The following APAF1 variants were observed in gnomAD, a reference collection of about 807,000 sequenced individuals.
APAF1 encodes the protein apoptotic protease-activating factor 1.
Under a neutral mutation model 152.4 loss-of-function variants are expected in APAF1, and 91 were observed. The ratio of observed to expected loss-of-function variants is 0.60; its 90% CI spans 0.50 to 0.71. APAF1 has a LOEUF of 0.71. APAF1 is among the 30% of genes least tolerant of loss of function. The probability of loss-of-function intolerance (pLI) is 0.00; values close to 1 mark genes in which losing one functional copy is unlikely to be tolerated. For synonymous variants in APAF1, 484 were observed against 494.1 expected (o/e 0.98, Z 0.27); for missense variants, 1,283 against 1,472.0 (o/e 0.87, Z 2.10).
intron 26 of APAF1, among the ~76,000 whole-genome samples, chr12:98,730,524 G>T (rs748311918): frequency 1.3e-5 from 2 of 152,180 alleles, no homozygotes; most frequent in Non-Finnish European, 2.9e-5. Flanking sequence ...TAAAGCAGCA[G>T]AATAGGTTTA....
chr12:98,709,636 G>A (rs1223604816), intron 20 of APAF1, among the ~76,000 whole-genome samples: 4 of 152,146 alleles, frequency 2.6e-5, no homozygotes, highest in African/African-American at 9.7e-5. Flanking sequence ...CTATATGTTG[G>A]TCAGCCCAAG....
chr12:98,720,782 G>A (rs1031144257), intron 22 of APAF1, among the ~76,000 whole-genome samples: 10 of 152,042 alleles, frequency 6.6e-5, no homozygotes, highest in African/African-American at 2.2e-4. Context: ...TGGCTAACAC[G>A]GTGAAACCCC....
At chr12:98,654,835 T>TTTTTTTTTTTTTTTTTTTTA in intron 4 of APAF1, among the ~76,000 whole-genome samples, 1 of 127,894 alleles carries the variant, frequency 7.8e-6, no homozygotes, top group Non-Finnish European at 1.6e-5. Flanking sequence ...TTTTTTTTTT[T>TTTTTTTTTTTTTTTTTTTTA]AATTTATTTT....
intron 3 of APAF1, 193 bp downstream of exon 3, chr12:98,649,008 A>G: frequency 1.3e-6 from 1 of 748,994 alleles, no homozygotes; most frequent in Non-Finnish European, 2.2e-6. Context: ...CTTCTTGCCC[A>G]GTGAACTGTA....
chr12:98,660,716 A>G (rs2097663965), intron 5 of APAF1, among the ~76,000 whole-genome samples: 1 of 152,226 alleles, frequency 6.6e-6, no homozygotes, highest in East Asian at 1.9e-4. Context: ...CTGCAAGTAC[A>G]AAGATAAATA....
chr12:98,645,511 G>T lies in APAF1; in HGVS notation c.-366G>T, dbSNP rs2097638754. 1 of 152,318 alleles carries T rather than the reference G, an allele frequency of 6.6e-6. No individual in the cohort carries two copies. Among genetic ancestry groups the T allele is most frequent in the Non-Finnish European group, 1.5e-5 (1 of 68,146 alleles). 9.4% of individuals were successfully genotyped at this position (152,318 alleles called of 1,614,324 possible). ...TCCTCCCTTTGTGTCCAGTAGTGGG[G>T]TCCACCGGAGGGCGGCCCGTGGGCC... On this transcript the variant is annotated 5_prime_UTR_variant, in exon 1 of 27. Transcript: ENST00000551964.
chr12:98,717,253 A>G (rs1216685428), intron 22 of APAF1, among the ~76,000 whole-genome samples: 3 of 151,900 alleles, frequency 2.0e-5, no homozygotes, highest in Non-Finnish European at 4.4e-5. Context: ...GTATATTTCT[A>G]ATGTGTTAAA....
intron 17 of APAF1, among the ~76,000 whole-genome samples, chr12:98,702,941 A>G (rs2097717225): frequency 6.6e-6 from 1 of 152,102 alleles, no homozygotes; most frequent in Non-Finnish European, 1.5e-5. Flanking sequence ...GCAATTTGGT[A>G]GTTCTAGAGA....
At chr12:98,721,553 C>T (rs1192947864) in intron 22 of APAF1, among the ~76,000 whole-genome samples, 2 of 152,138 alleles carry the variant, frequency 1.3e-5, no homozygotes, top group African/African-American at 4.8e-5. Context: ...TTTGGGAAGC[C>T]AGAAATGCCT....
chr12:98,719,151 A>G (rs1186489170), intron 22 of APAF1, among the ~76,000 whole-genome samples: 1 of 152,140 alleles, frequency 6.6e-6, no homozygotes, highest in Non-Finnish European at 1.5e-5. Flanking sequence ...CCTCACACTC[A>G]GTGTCTCCTG....
At chr12:98,659,405 G>T in intron 5 of APAF1, 62 bp downstream of exon 5, 2 of 1,505,610 alleles carry the variant, frequency 1.3e-6, no homozygotes, top group South Asian at 1.1e-5. Flanking sequence ...TGTAACTACT[G>T]ACCTCTTGAG....
rs1446824707 is a variant in APAF1 at position 98,667,576 on chromosome 12, G to C, written c.1426G>C (p.Asp476His). 1.2e-6 allele frequency: 2 copies of C among 1,614,008 alleles called. No homozygotes were observed. The highest frequency in any genetic ancestry group is 2.2e-5 in the East Asian group (1 of 44,882). Residue 476 changes from aspartate (D) to histidine (H), a missense_variant, in exon 10 of 27, where the codon GAT (aspartate) becomes CAT (histidine). By Grantham distance (81) the Asp-to-His change is moderately conservative. Transcript: ENST00000551964. ...RYHQPHTLSP[D>H]QEDCMYWYNF... ...TCACCAGCCGCATACTCTTTCACCAGATCAGGAAGACTGTATGTATTGGTA... is the reference window on the plus strand; with the variant it reads ...TCACCAGCCGCATACTCTTTCACCACATCAGGAAGACTGTATGTATTGGTA...
chr12:98,723,246 A>T lies in APAF1; in HGVS notation c.3138A>T (p.Thr1046=). Residue 1046 remains threonine (T), a synonymous_variant, in exon 23 of 27, where the codon ACA becomes ACT. Coordinates refer to ENST00000551964, the MANE Select transcript of APAF1 (RefSeq NM_181861.2). Reference sequence around the variant, plus strand: ...TCTTTCTACGAGGCCATCAGGAAACAGTGAAAGACTTTAGACTCTTGAAAA... The same window carrying T: ...TCTTTCTACGAGGCCATCAGGAAACTGTGAAAGACTTTAGACTCTTGAAAA... The part of the protein sequence containing the change: ...KCIFLRGHQE[T]VKDFRLLKNS... 6.2e-7 allele frequency: 1 copy of T among 1,613,454 alleles called. No homozygotes were observed. Among genetic ancestry groups the T allele is most frequent in the Non-Finnish European group, 8.5e-7 (1 of 1,179,388 alleles).
intron 20 of APAF1, 145 bp downstream of exon 20, chr12:98,708,849 A>G: frequency 1.3e-6 from 1 of 757,312 alleles, no homozygotes; most frequent in South Asian, 1.8e-5. Context: ...AAATATATAT[A>G]AGTCTTGAGC....
intron 3 of APAF1, chr12:98,649,078 C>T: frequency 2.5e-6 from 2 of 813,696 alleles, no homozygotes; most frequent in Non-Finnish European, 3.7e-6. Flanking sequence ...ATTTATAGGC[C>T]CTTGTTTATT....
At chr12:98,664,387 A>G (rs900359712) in intron 7 of APAF1, among the ~76,000 whole-genome samples, 8 of 152,168 alleles carry the variant, frequency 5.3e-5, no homozygotes, top group African/African-American at 1.4e-4. Context: ...ACAAAGGGTG[A>G]TGCATGTCCA....
At chr12:98,648,575 A>G (rs757459967) in intron 2 of APAF1, 51 bp from the exon 3 acceptor site, 5 of 1,609,854 alleles carry the variant, frequency 3.1e-6, no homozygotes, top group Non-Finnish European at 4.2e-6. Context: ...CCACTACTTT[A>G]TGTTGCATAC....
At chr12:98,714,682 T>C (rs1189986644) in intron 21 of APAF1, among the ~76,000 whole-genome samples, 5 of 152,194 alleles carry the variant, frequency 3.3e-5, no homozygotes, top group African/African-American at 1.2e-4. Flanking sequence ...AAGGGGCTTT[T>C]CTTCCAGACG....
intron 17 of APAF1, among the ~76,000 whole-genome samples, chr12:98,701,054 A>G (rs2097714950): frequency 6.6e-6 from 1 of 151,826 alleles, no homozygotes; most frequent in Admixed American, 6.6e-5. Context: ...TAACCAATGT[A>G]CAGATCAAAA....
Sources: allele counts gnomAD v4.1 joint callset (sites outside exome capture counted in the v4.1 genomes callset), GRCh38; gene constraint gnomAD v4.1.1; transcripts MANE v1.5; gene names NCBI Gene and HGNC (gene_info 2026-07-23, HGNC 2026-07-21).